The following RESF1 variants were observed in gnomAD, a reference collection of about 807,000 sequenced individuals.
RESF1 encodes the protein retroelement silencing factor 1.
In RESF1, 65 loss-of-function variants were observed where a neutral mutation model predicts 134.7. That is an observed-to-expected ratio of 0.48 (90% CI 0.40 to 0.59). The LOEUF is 0.59. Among genes scored for constraint, RESF1 ranks in the 20% least tolerant of loss-of-function variants. RESF1 has a pLI of 0.00. For missense variants in RESF1, 2,274 were observed against 2,002.7 expected, an observed-to-expected ratio of 1.14 and a Z score of -2.59; for synonymous variants, 762 against 702.2, an observed-to-expected ratio of 1.09 and a Z score of -1.35.
rs774086964 is a variant in RESF1, at chr12:31,987,297, G to C, written c.5061G>C (p.Arg1687Ser). The C allele has an allele frequency of 6.2e-7, 1 of 1,602,360 alleles. No individual in the cohort carries two copies. The highest frequency in any genetic ancestry group is 1.7e-5 in the Admixed American group (1 of 59,374). ...TAAAATTTGTTGCTACAAAGAAAAG[G>C]ACACAGAAAGACAGCCAAGAGAGAG... ...DWLKFVATKK[R>S]TQKDSQERDN... The change falls in exon 5 of 6, where the codon AGG (arginine) becomes AGC (serine). Residue 1687 changes from arginine (R) to serine (S), a missense_variant. Physicochemically the swap from Arg to Ser is moderately radical, Grantham distance 110 (BLOSUM62 -1). Coordinates refer to ENST00000312561, the MANE Select transcript of RESF1 (RefSeq NM_018169.4).
rs182704833 is a variant in RESF1, at chr12:31,982,363, C to G, written c.1408C>G (p.Pro470Ala). 1.2e-6 allele frequency: 2 copies of G among 1,613,946 alleles called. No individual in the cohort carries two copies. Residue 470 changes from proline to alanine, a missense_variant, in exon 4 of 6, where the codon CCA becomes GCA. Transcript: ENST00000312561. ...GCCAGAGAATGCAGAGAGACAAACA[C>G]CAACAGTAGTGGAATCTGCAGAAAC... is the stretch of plus-strand genomic sequence containing the variant. ...VMPENAERQT[P>A]TVVESAETNK...
rs1157147502 is a variant in RESF1, at chr12:31,992,965, A to G, written c.*430A>G. ...CCCACTGTGATGTGAATGTCAAAAT[A>G]TATTCTTAAGTGTTTTATAACTAAT... On this transcript the variant is annotated 3_prime_UTR_variant, in exon 6 of 6. Transcript: ENST00000312561. 5.5e-5 allele frequency: 9 copies of G among 163,776 alleles called. No individual in the cohort carries two copies. Among genetic ancestry groups the G allele is most frequent in the African/African-American group, 2.2e-4 (9 of 41,524 alleles). 10.1% of individuals were successfully genotyped at this position (163,776 alleles called of 1,614,324 possible).
chr12:31,962,975 T>C (rs1419719975), intron 2 of RESF1, among the ~76,000 whole-genome samples: 2 of 152,170 alleles, frequency 1.3e-5, no homozygotes, highest in Non-Finnish European at 2.9e-5. Flanking sequence ...GGCACATGCC[T>C]GAAATCCCGG....
intron 3 of RESF1, among the ~76,000 whole-genome samples, chr12:31,977,456 G>GAT (rs760960926): frequency 1.3e-5 from 2 of 152,164 alleles, no homozygotes; most frequent in Non-Finnish European, 2.9e-5. Flanking sequence ...AAAGTGCTGG[G>GAT]ATTTACAGGC....
intron 2 of RESF1, among the ~76,000 whole-genome samples, chr12:31,961,727 G>A (rs1939274887): frequency 1.3e-5 from 2 of 152,054 alleles, no homozygotes; most frequent in Admixed American, 6.6e-5. Context: ...TGTCACTACT[G>A]GTCCACATCT....
At chr12:31,991,210 A>AAC (rs397815599) in intron 5 of RESF1, among the ~76,000 whole-genome samples, 6 of 151,374 alleles carry the variant, frequency 4.0e-5, no homozygotes, top group East Asian at 3.9e-4. Flanking sequence ...AAAAAAAAAA[A>AAC]CCCACAGGAG....
At chr12:31,968,003 T>G (rs1476897198) in intron 2 of RESF1, among the ~76,000 whole-genome samples, 1 of 152,236 alleles carries the variant, frequency 6.6e-6, no homozygotes, top group Non-Finnish European at 1.5e-5. Flanking sequence ...TAGTACAGGT[T>G]GAATAAATTG....
chr12:31,988,762 C>T (rs1940031184), intron 5 of RESF1, among the ~76,000 whole-genome samples: 1 of 151,994 alleles, frequency 6.6e-6, no homozygotes, highest in Non-Finnish European at 1.5e-5. Context: ...ACGATCTCGG[C>T]CTTGCTGCAA....
At chr12:31,986,607 G>T (rs1428496866) in intron 4 of RESF1, among the ~76,000 whole-genome samples, 1 of 152,202 alleles carries the variant, frequency 6.6e-6, no homozygotes, top group Non-Finnish European at 1.5e-5. Context: ...TAGCTTAATG[G>T]TAGACTTCTC....
chr12:31,984,638 T>A lies in RESF1; in HGVS notation c.3683T>A (p.Val1228Asp). 6.3e-7 allele frequency: 1 copy of A among 1,575,416 alleles called. No homozygotes were observed. The highest frequency in any genetic ancestry group is 1.2e-5 in the South Asian group (1 of 84,056). The change falls in exon 4 of 6, where the codon GTT becomes GAT. Residue 1228 changes from valine to aspartate, a missense_variant. Transcript: ENST00000312561. ...AGAACTTCTGATAGAGATGTCACTG[T>A]TGTTCAATTTAAGAGCCTTGTAAAT... ...GERTSDRDVTVVQFKSLVNNP... is the reference protein window; with the variant it reads ...GERTSDRDVTDVQFKSLVNNP...
At position 31,987,308 on chromosome 12, in the gene RESF1, A is replaced by G; in HGVS notation, c.5072A>G (p.Asp1691Gly). ...GCTACAAAGAAAAGGACACAGAAAG[A>G]CAGCCAAGAGAGAGGTAAAGTCATC... ...FVATKKRTQKDSQERDNVNSR... is the reference protein window; with the variant it reads ...FVATKKRTQKGSQERDNVNSR... The change falls in exon 5 of 6, where the codon GAC (aspartate) becomes GGC (glycine). Residue 1691 changes from aspartate (D) to glycine (G), a missense_variant. Asp to Gly is a moderately conservative substitution (Grantham distance 94). Coordinates refer to ENST00000312561, the MANE Select transcript of RESF1 (RefSeq NM_018169.4). 6.2e-7 allele frequency: 1 copy of G among 1,600,946 alleles called. No homozygotes were observed. Among genetic ancestry groups the G allele is most frequent in the Non-Finnish European group, 8.6e-7 (1 of 1,169,174 alleles).
At chr12:31,973,301 C>G (rs992980362) in intron 3 of RESF1, among the ~76,000 whole-genome samples, 4 of 148,616 alleles carry the variant, frequency 2.7e-5, no homozygotes, top group Non-Finnish European at 6.0e-5. Flanking sequence ...TCCACATACA[C>G]ATGGATTTGA....
intron 2 of RESF1, among the ~76,000 whole-genome samples, chr12:31,966,919 C>G (rs901227581): frequency 2.0e-5 from 3 of 152,198 alleles, no homozygotes; most frequent in African/African-American, 7.2e-5. Context: ...TGATGACTTG[C>G]TCTTCTCATA....
At chr12:31,968,727 C>T (rs1158482867) in intron 2 of RESF1, among the ~76,000 whole-genome samples, 5 of 152,138 alleles carry the variant, frequency 3.3e-5, no homozygotes, top group African/African-American at 1.2e-4. Flanking sequence ...GGATTACAGG[C>T]GTGAGCCACC....
chr12:31,965,204 G>A (rs539381577), intron 2 of RESF1, among the ~76,000 whole-genome samples: 1 of 152,120 alleles, frequency 6.6e-6, no homozygotes, highest in Non-Finnish European at 1.5e-5. Context: ...TGATCAGCGT[G>A]CCTCTGCCTC....
chr12:31,991,060 A>G (rs146958877), intron 5 of RESF1, among the ~76,000 whole-genome samples: 15 of 152,238 alleles, frequency 9.9e-5, no homozygotes, highest in Non-Finnish European at 2.1e-4. Context: ...TTAGCTGGGC[A>G]TAGTGGTGCG....
In RESF1 at chr12:31,983,133, GAATAA is replaced by G. The variant is rs1939852652; in HGVS notation, c.2184_2188del (p.Ile729Ter). The G allele has an allele frequency of 6.2e-7, 1 of 1,611,206 alleles. No individual in the cohort carries two copies. On this transcript the variant is annotated frameshift_variant, in exon 4 of 6. Transcript: ENST00000312561. LOFTEE classifies it high-confidence loss of function. Reference sequence around the variant, plus strand: ...CAGTTGTGGGAAATTCAAATTCTCAGAATAAAATAAGTAATCCCTCACAGCAGACA... The same window carrying G: ...CAGTTGTGGGAAATTCAAATTCTCAGAATAAGTAATCCCTCACAGCAGACA...
chr12:31,983,591 C>A lies in RESF1; in HGVS notation c.2636C>A (p.Ser879Ter). 2 of 1,613,936 alleles carry A rather than the reference C, an allele frequency of 1.2e-6. No homozygotes were observed. The highest frequency in any genetic ancestry group is 1.7e-6 in the Non-Finnish European group (2 of 1,179,862). The change falls in exon 4 of 6, where the codon TCA becomes TAA. Residue 879 changes from serine (S) to a stop codon, truncating the protein, a stop_gained. Coordinates refer to ENST00000312561, the MANE Select transcript of RESF1 (RefSeq NM_018169.4). LOFTEE classifies it high-confidence loss of function. ...AACGATCAGCAAATCTCACAGGAGTCAAGGAATAGTACTGTTGTGAGTAGT... is the reference window on the plus strand; with the variant it reads ...AACGATCAGCAAATCTCACAGGAGTAAAGGAATAGTACTGTTGTGAGTAGT... ...PMNDQQISQE[S>*]RNSTVVSSDT...
rs1939897478 is a variant in RESF1 at position 31,984,304 on chromosome 12, A to G, written c.3349A>G (p.Ile1117Val). 8 of 1,613,586 alleles carry G rather than the reference A, an allele frequency of 5.0e-6. No homozygotes were observed. The highest frequency in any genetic ancestry group is 3.3e-5 in the South Asian group (3 of 91,046). ...TILSSEQMKEIFPEQDDQPYV... is the reference protein window; with the variant it reads ...TILSSEQMKEVFPEQDDQPYV... ...ATTAAGCTCAGAGCAAATGAAAGAA[A>G]TATTTCCTGAACAGGATGATCAACC... The change falls in exon 4 of 6, where the codon ATA (isoleucine) becomes GTA (valine). Residue 1117 changes from isoleucine to valine, a missense_variant. Physicochemically the swap from Ile to Val is conservative, Grantham distance 29. Coordinates refer to ENST00000312561, the MANE Select transcript of RESF1 (RefSeq NM_018169.4).
Sources: allele counts gnomAD v4.1 joint callset (sites outside exome capture counted in the v4.1 genomes callset), GRCh38; gene constraint gnomAD v4.1.1; transcripts MANE v1.5; gene names NCBI Gene and HGNC (gene_info 2026-07-23, HGNC 2026-07-21).